Variants in GRK5 observed in about 807,000 individuals in gnomAD.
GRK5 encodes the protein g protein-coupled receptor kinase GRK5.
Under a neutral mutation model 78.4 loss-of-function variants are expected in GRK5, and 40 were observed. That is an observed-to-expected ratio of 0.51 (90% CI 0.40 to 0.66). The LOEUF (loss-of-function observed/expected upper bound fraction) is 0.66. Among genes scored for constraint, GRK5 ranks in the 30% least tolerant of loss-of-function variants. GRK5 has a pLI of 0.00. For missense variants in GRK5, 598 were observed against 759.9 expected (o/e 0.79, Z 2.50); for synonymous variants, 289 against 296.8 (o/e 0.97, Z 0.27).
chr10:119,418,052 C>T (rs572180152), intron 4 of GRK5, among the ~76,000 whole-genome samples: 9 of 152,228 alleles, frequency 5.9e-5, no homozygotes, highest in African/African-American at 1.7e-4. Flanking sequence ...TCGGGGGTCC[C>T]GAGGGGAGTT....
intron 2 of GRK5, among the ~76,000 whole-genome samples, chr10:119,339,380 G>A (rs1042672507): frequency 1.3e-5 from 2 of 152,176 alleles, no homozygotes; most frequent in Admixed American, 1.3e-4. Flanking sequence ...CTCTGTTTAC[G>A]GAATTTATTT....
At chr10:119,298,176 C>T (rs1230750765) in intron 1 of GRK5, among the ~76,000 whole-genome samples, 3 of 152,164 alleles carry the variant, frequency 2.0e-5, no homozygotes, top group Admixed American at 6.5e-5. Context: ...CATGATGCAG[C>T]TCTCTGAGGT....
At chr10:119,313,403 C>G (rs1850432180) in intron 1 of GRK5, among the ~76,000 whole-genome samples, 1 of 151,772 alleles carries the variant, frequency 6.6e-6, no homozygotes, top group Non-Finnish European at 1.5e-5. Flanking sequence ...TTTAGTGGCA[C>G]CTATGAGGTG....
intron 1 of GRK5, among the ~76,000 whole-genome samples, chr10:119,222,534 G>GTTCCCACC (rs1848671451): frequency 6.6e-6 from 1 of 151,982 alleles, no homozygotes; most frequent in Non-Finnish European, 1.5e-5. Context: ...GGGCCCTACG[G>GTTCCCACC]TTCCCACCTG....
At chr10:119,439,058 T>C (rs1852980681) in intron 9 of GRK5, among the ~76,000 whole-genome samples, 1 of 152,240 alleles carries the variant, frequency 6.6e-6, no homozygotes, top group African/African-American at 2.4e-5. Context: ...GCTGTTCTTT[T>C]ACCCATAGAG....
chr10:119,255,053 A>AG (rs1387894738), intron 1 of GRK5, among the ~76,000 whole-genome samples: 1 of 148,394 alleles, frequency 6.7e-6, no homozygotes, highest in Non-Finnish European at 1.5e-5. Flanking sequence ...AAAAAAAAAA[A>AG]AAAAGAAGGA....
chr10:119,376,585 A>C (rs1851624810), intron 2 of GRK5, among the ~76,000 whole-genome samples: 1 of 125,902 alleles, frequency 7.9e-6, no homozygotes, highest in Non-Finnish European at 1.6e-5. Context: ...TTTTTTTGAG[A>C]CACAGTTTCA....
chr10:119,409,303 T>C (rs534193754), intron 4 of GRK5, among the ~76,000 whole-genome samples: 9 of 152,358 alleles, frequency 5.9e-5, no homozygotes, highest in Admixed American at 5.9e-4. Context: ...GATTTCATCT[T>C]GGCGCCTCCT....
At chr10:119,402,689 C>T (rs190996562) in intron 4 of GRK5, among the ~76,000 whole-genome samples, 111 of 152,122 alleles carry the variant, frequency 7.3e-4, no homozygotes, top group African/African-American at 2.6e-3. Context: ...CCTGTCTCCA[C>T]TAAAAATACA....
intron 1 of GRK5, among the ~76,000 whole-genome samples, chr10:119,216,150 G>A (rs553844843): frequency 2.6e-5 from 4 of 152,336 alleles, no homozygotes; most frequent in African/African-American, 9.6e-5. Flanking sequence ...CCTGGTGTCC[G>A]AAGCAAGGGA....
intron 12 of GRK5, among the ~76,000 whole-genome samples, chr10:119,444,340 G>A (rs890891587): frequency 3.9e-5 from 6 of 152,150 alleles, no homozygotes; most frequent in East Asian, 1.9e-4. Flanking sequence ...GGGGCCAGAT[G>A]GGGGGACTGG....
intron 2 of GRK5, among the ~76,000 whole-genome samples, chr10:119,327,316 G>A (rs541231297): frequency 1.8e-4 from 28 of 152,314 alleles, no homozygotes; most frequent in African/African-American, 5.5e-4. Context: ...GGGCGAGAGC[G>A]CCCAGGGGAC....
At chr10:119,260,630 G>A (rs9794276) in intron 1 of GRK5, among the ~76,000 whole-genome samples, 87,042 of 151,330 alleles carry the variant, frequency 0.58, 25,855 homozygotes, top group East Asian at 0.72. Flanking sequence ...CTGCCTTCAA[G>A]CATCTGTTTA....
chr10:119,455,658 A>G lies in GRK5; in HGVS notation c.*591A>G, dbSNP rs1019732802. The G allele has an allele frequency of 5.8e-5, 15 of 258,318 alleles. No homozygotes were observed. Among genetic ancestry groups the G allele is most frequent in the Middle Eastern group, 1.4e-3 (1 of 698 alleles). 16.0% of individuals were successfully genotyped at this position (258,318 alleles called of 1,614,324 possible). A position where few individuals can be genotyped will look rare whatever the true frequency, so the allele number is the denominator to read the frequency against. ...GGATTGGTTGTATTTACCCACATCT[A>G]TCTCTGGAGCCATTTCCTCACATTG... On this transcript the variant is annotated 3_prime_UTR_variant, in exon 16 of 16. Transcript: ENST00000392870.
rs1222564424 is a variant in GRK5 at position 119,431,293 on chromosome 10, C to T, written c.598-94C>T. On this transcript the variant is annotated intron_variant, in intron 7 of 15. Transcript: ENST00000392870. The surrounding 1 kb of genome is among the most constrained non-coding windows in gnomAD (Gnocchi z 4.8). ...AGGGCCGGCTCTGACCCCATCCATT[C>T]TCTACCTGGGAGGCCTGTGGTCCCC... 3.5e-6 allele frequency: 5 copies of T among 1,437,286 alleles called. No homozygotes were observed. Among genetic ancestry groups the T allele is most frequent in the Middle Eastern group, 2.3e-4 (1 of 4,270 alleles). The allele number at this position is 1,437,286 out of a possible 1,614,324, so 89.0% of individuals were successfully genotyped here. A position where few individuals can be genotyped will look rare whatever the true frequency, so the allele number is the denominator to read the frequency against.
At chr10:119,416,449 C>T (rs527283720) in intron 4 of GRK5, among the ~76,000 whole-genome samples, 10 of 152,358 alleles carry the variant, frequency 6.6e-5, no homozygotes, top group South Asian at 4.1e-4. Flanking sequence ...CCTCTGACTC[C>T]GAACAGCATC....
At chr10:119,360,983 T>C (rs922824587) in intron 2 of GRK5, among the ~76,000 whole-genome samples, 3 of 152,150 alleles carry the variant, frequency 2.0e-5, no homozygotes, top group Admixed American at 6.5e-5. Flanking sequence ...ATGAGTCTCT[T>C]TGGGACAGCA....
intron 2 of GRK5, among the ~76,000 whole-genome samples, chr10:119,347,748 C>A (rs535903063): frequency 6.6e-6 from 1 of 152,380 alleles, no homozygotes; most frequent in South Asian, 2.1e-4. Flanking sequence ...GAAGCATGGC[C>A]CTTGCTGGAC....
intron 1 of GRK5, among the ~76,000 whole-genome samples, chr10:119,273,114 G>T (rs934981019): frequency 6.6e-6 from 1 of 152,190 alleles, no homozygotes; most frequent in Non-Finnish European, 1.5e-5. Context: ...AAACCAGACC[G>T]GCGATGGCTT....
Sources: allele counts gnomAD v4.1 joint callset (sites outside exome capture counted in the v4.1 genomes callset), GRCh38; gene constraint gnomAD v4.1.1; non-coding constraint Gnocchi (gnomAD v3.1); transcripts MANE v1.5; gene names NCBI Gene and HGNC (gene_info 2026-07-23, HGNC 2026-07-21).